The following DENND1B variants were observed in gnomAD, a reference collection of about 807,000 sequenced individuals.
DENND1B encodes DENN domain containing 1B, also known as DENN domain-containing protein 1B.
Under a neutral mutation model 90.1 loss-of-function variants are expected in DENND1B, and 59 were observed. The ratio of observed to expected loss-of-function variants is 0.65; its 90% CI spans 0.53 to 0.81. The LOEUF (loss-of-function observed/expected upper bound fraction) is 0.81, where lower values mean the gene tolerates loss of function less well. Ranked by LOEUF, DENND1B falls within the 40% of genes least tolerant of loss-of-function variation. The probability of loss-of-function intolerance (pLI) is 0.00; values close to 1 mark genes in which losing one functional copy is unlikely to be tolerated. For synonymous variants in DENND1B, 337 were observed against 324.6 expected, an observed-to-expected ratio of 1.04 and a Z score of -0.41; for missense variants, 862 against 912.6, an observed-to-expected ratio of 0.94 and a Z score of 0.71.
At chr1:197,629,104 T>C (rs1052368732) in intron 10 of DENND1B, among the ~76,000 whole-genome samples, 18 of 152,162 alleles carry the variant, frequency 1.2e-4, no homozygotes, top group Non-Finnish European at 2.5e-4. Context: ...TCGACCATTG[T>C]GGAAGTCAGT....
At chr1:197,772,733 G>A (rs574756472) in intron 2 of DENND1B, 135 bp downstream of exon 2, 2 of 684,258 alleles carry the variant, frequency 2.9e-6, no homozygotes, top group East Asian at 5.5e-5. Flanking sequence ...GCTGAGGTGG[G>A]AGGATCACCT....
chr1:197,698,889 T>G (rs1433564369), intron 3 of DENND1B, among the ~76,000 whole-genome samples: 2 of 152,060 alleles, frequency 1.3e-5, no homozygotes, highest in Non-Finnish European at 2.9e-5. Context: ...AATACACCAA[T>G]AACAAGTTCT....
At chr1:197,574,212 C>G (rs912865379) in intron 15 of DENND1B, among the ~76,000 whole-genome samples, 1 of 152,188 alleles carries the variant, frequency 6.6e-6, no homozygotes, top group Non-Finnish European at 1.5e-5. Flanking sequence ...AGCCCAAAAT[C>G]TCCTTAAGCT....
chr1:197,776,277 G>C (rs1657264802), upstream of DENND1B, among the ~76,000 whole-genome samples: 4 of 152,300 alleles, frequency 2.6e-5, 1 homozygote, highest in South Asian at 8.3e-4. Context: ...GCATTTTACA[G>C]ATGAAGAAAC....
At chr1:197,641,398 G>A (rs1680256726) in intron 10 of DENND1B, among the ~76,000 whole-genome samples, 2 of 152,084 alleles carry the variant, frequency 1.3e-5, no homozygotes, top group African/African-American at 4.8e-5. Context: ...GAGTCAAACT[G>A]AATTTCTTGA....
intron 13 of DENND1B, among the ~76,000 whole-genome samples, chr1:197,596,005 TG>T (rs1675652243): frequency 6.6e-6 from 1 of 152,080 alleles, no homozygotes; most frequent in Non-Finnish European, 1.5e-5. Context: ...GCCCTTACTA[TG>T]TAGCCAATAA....
chr1:197,620,673 G>A (rs1678074544), intron 10 of DENND1B, among the ~76,000 whole-genome samples: 1 of 151,270 alleles, frequency 6.6e-6, no homozygotes, highest in South Asian at 2.1e-4. Context: ...AGGTAATTAT[G>A]CAACTGAAAA....
At chr1:197,550,805 AT>A (rs1249284858) in intron 16 of DENND1B, among the ~76,000 whole-genome samples, 1 of 151,510 alleles carries the variant, frequency 6.6e-6, no homozygotes. Context: ...TAAAACTTTA[AT>A]TAAAAAAAAA....
intron 2 of DENND1B, among the ~76,000 whole-genome samples, chr1:197,750,043 C>G (rs926469702): frequency 6.6e-6 from 1 of 152,012 alleles, no homozygotes; most frequent in Non-Finnish European, 1.5e-5. Flanking sequence ...GATGAGGTCT[C>G]GCTATTTTGG....
chr1:197,771,201 C>T (rs111870408), intron 2 of DENND1B, among the ~76,000 whole-genome samples: 1,693 of 152,172 alleles, frequency 0.011, 34 homozygotes, highest in African/African-American at 0.039. Context: ...CGTGAGCCAC[C>T]GTGCCACGCC....
At chr1:197,733,855 T>C (rs946398023) in intron 2 of DENND1B, among the ~76,000 whole-genome samples, 2 of 152,230 alleles carry the variant, frequency 1.3e-5, no homozygotes, top group African/African-American at 4.8e-5. Context: ...TTAACAATCC[T>C]GGTCACCAAT....
chr1:197,755,584 A>AT, intron 2 of DENND1B, among the ~76,000 whole-genome samples: 1 of 152,296 alleles, frequency 6.6e-6, no homozygotes, highest in East Asian at 1.9e-4. Flanking sequence ...AAGAATTTCC[A>AT]TTTTTTAAAA....
At chr1:197,670,249 T>A (rs1228883837) in intron 5 of DENND1B, among the ~76,000 whole-genome samples, 1 of 152,158 alleles carries the variant, frequency 6.6e-6, no homozygotes, top group African/African-American at 2.4e-5. Flanking sequence ...TATTTGTGAA[T>A]GATTAATAAG....
intron 15 of DENND1B, among the ~76,000 whole-genome samples, chr1:197,567,685 A>C (rs1222353907): frequency 6.6e-6 from 1 of 152,190 alleles, no homozygotes; most frequent in Non-Finnish European, 1.5e-5. Flanking sequence ...AATGTGATAT[A>C]CTACATTAAC....
intron 5 of DENND1B, among the ~76,000 whole-genome samples, chr1:197,666,326 T>C (rs73075690): frequency 0.024 from 3,686 of 152,328 alleles, 154 homozygotes; most frequent in African/African-American, 0.084. Context: ...AGTTAATCAT[T>C]TATTTTGACA....
At chr1:197,750,602 A>ATAGATAGG (rs1272758309) in intron 2 of DENND1B, among the ~76,000 whole-genome samples, 2 of 152,072 alleles carry the variant, frequency 1.3e-5, no homozygotes, top group African/African-American at 4.8e-5. Flanking sequence ...AGATAGATAG[A>ATAGATAGG]TAGATAGATA....
intron 2 of DENND1B, chr1:197,747,274 G>C (rs1036782987): frequency 1.6e-6 from 1 of 618,172 alleles, no homozygotes; most frequent in Non-Finnish European, 3.0e-6. Flanking sequence ...ATTTACATTC[G>C]ACTCTGTTTC....
intron 13 of DENND1B, among the ~76,000 whole-genome samples, chr1:197,596,209 T>C (rs898595580): frequency 1.1e-4 from 17 of 152,078 alleles, no homozygotes; most frequent in African/African-American, 2.9e-4. Flanking sequence ...TTTTCATACA[T>C]TTTTCTATCT....
chr1:197,658,089 T>A (rs1301354446), intron 6 of DENND1B, among the ~76,000 whole-genome samples: 1 of 152,010 alleles, frequency 6.6e-6, no homozygotes. Flanking sequence ...CCAGGGATGG[T>A]AAGGGTTGGG....
Sources: gnomAD v4.1 joint callset for allele counts (sites outside exome capture counted in the v4.1 genomes callset) on GRCh38, gnomAD v4.1.1 for gene constraint, MANE v1.5 for transcripts, NCBI Gene and HGNC (gene_info 2026-07-23, HGNC 2026-07-21) for gene names.